The following ITGB7 variants were observed in gnomAD, a reference collection of about 807,000 sequenced individuals.
ITGB7 encodes the protein integrin subunit beta 7, also known as integrin beta-7.
ITGB7 carries 55 observed loss-of-function variants against 83.4 expected under a neutral mutation model. The observed-to-expected ratio is 0.66, with a 90% CI of 0.53 to 0.83. The LOEUF is 0.83. Among genes scored for constraint, ITGB7 ranks in the 40% least tolerant of loss-of-function variants. ITGB7 has a pLI of 0.00. For missense variants in ITGB7, 921 were observed against 1,046.7 expected (o/e 0.88, Z 1.66); for synonymous variants, 454 against 423.6 (o/e 1.07, Z -0.88).
chr12:53,197,362 G>T, intron 5 of ITGB7, 131 bp downstream of exon 5: 1 of 993,584 alleles, frequency 1.0e-6, no homozygotes, highest in Non-Finnish European at 1.6e-6. Context: ...GAACGAACCT[G>T]TGGCCTGGCT....
At chr12:53,193,626 G>C (rs568681050) in intron 11 of ITGB7, 82 bp downstream of exon 11, 1 of 1,226,336 alleles carries the variant, frequency 8.2e-7, no homozygotes, top group African/African-American at 1.5e-5. Context: ...CTGTGGGGGG[G>C]ATGGAAAGCA....
chr12:53,192,158 C>A, intron 14 of ITGB7, 139 bp from the exon 15 acceptor site: 9 of 1,236,274 alleles, frequency 7.3e-6, no homozygotes, highest in Admixed American at 2.3e-5. Context: ...AGGTTATCCT[C>A]ACCGCCCAGG....
chr12:53,191,997 G>C lies in ITGB7; in HGVS notation c.2178C>G (p.Ala726=), dbSNP rs1339800857. ...PQEKGADHTQ[A]IVLGCVGGIV... ...TGCCCCCTACGCAGCCCAGCACAAT[G>C]GCCTGCGTGTGGTCTGCTCCCTCTG... is the stretch of plus-strand genomic sequence containing the variant. Residue 726 remains alanine (A), a synonymous_variant, in exon 15 of 16, where the codon GCC becomes GCG. Transcript: ENST00000267082. 6.2e-7 allele frequency: 1 copy of C among 1,612,984 alleles called. No individual in the cohort carries two copies. Among genetic ancestry groups the C allele is most frequent in the Non-Finnish European group, 8.5e-7 (1 of 1,179,898 alleles).
At chr12:53,204,146 G>A (rs187000459) in intron 1 of ITGB7, among the ~76,000 whole-genome samples, 32 of 152,220 alleles carry the variant, frequency 2.1e-4, no homozygotes, top group Admixed American at 4.6e-4. Context: ...TTGGGAGGCC[G>A]AGGCGGGTGG....
chr12:53,192,879 G>C lies in ITGB7; in HGVS notation c.1758C>G (p.His586Gln). 1 of 1,614,198 alleles carries C rather than the reference G, an allele frequency of 6.2e-7. No individual in the cohort carries two copies. Among genetic ancestry groups the C allele is most frequent in the Non-Finnish European group, 8.5e-7 (1 of 1,180,042 alleles). ...GFGRCQCGVC[H>Q]CHANRTGRAC... ...CTCTGCCCGTGCGGTTGGCATGACA[G>C]TGACATACTCCACATTGGCAGCGAC... Residue 586 changes from histidine to glutamine, a missense_variant, in exon 13 of 16, where the codon CAC becomes CAG. Coordinates refer to ENST00000267082, the MANE Select transcript of ITGB7 (RefSeq NM_000889.3).
chr12:53,198,656 T>C (rs1592407936), intron 3 of ITGB7, among the ~76,000 whole-genome samples: 1 of 79,550 alleles, frequency 1.3e-5, no homozygotes, highest in Middle Eastern at 5.6e-3. Flanking sequence ...ACCCCTCTCC[T>C]CCCCAATAGA....
chr12:53,192,559 G>C (rs756902852), intron 13 of ITGB7, 21 bp from the exon 14 acceptor site: 1 of 1,611,698 alleles, frequency 6.2e-7, no homozygotes, highest in African/African-American at 1.3e-5. Flanking sequence ...GATGCCAATA[G>C]GTTACCAGCT....
At position 53,196,177 on chromosome 12, in the gene ITGB7, A is replaced by G. The variant is rs368963799; in HGVS notation, c.839T>C (p.Val280Ala). The change falls in exon 7 of 16, where the codon GTG becomes GCG. Residue 280 changes from valine to alanine, a missense_variant. Val to Ala is a moderately conservative substitution (Grantham distance 64). Coordinates refer to ENST00000267082, the MANE Select transcript of ITGB7 (RefSeq NM_000889.3). ...TGAAGTGAACACCAGCAGCCGGGAC[A>G]CATTTCTCCAGCCAATCTGCTCCTG... ...LCQEQIGWRN[V>A]SRLLVFTSDD... The G allele has an allele frequency of 1.0e-4, 169 of 1,614,052 alleles. No individual in the cohort carries two copies. Among genetic ancestry groups the G allele is most frequent in the Non-Finnish European group, 1.3e-4 (159 of 1,180,000 alleles).
intron 6 of ITGB7, 141 bp from the exon 7 acceptor site, chr12:53,196,340 C>A: frequency 9.3e-7 from 1 of 1,072,424 alleles, no homozygotes; most frequent in South Asian, 1.6e-5. Context: ...CTTGCTTCTC[C>A]CTGCTCTCTC....
chr12:53,194,037 G>T, intron 10 of ITGB7, 136 bp from the exon 11 acceptor site: 1 of 1,293,142 alleles, frequency 7.7e-7, no homozygotes, highest in Non-Finnish European at 1.1e-6. Context: ...CTAGAAACAT[G>T]CCTGAGGAAG....
chr12:53,194,551 A>C, intron 9 of ITGB7: 1 of 517,982 alleles, frequency 1.9e-6, no homozygotes, highest in Non-Finnish European at 3.5e-6. Context: ...GGCCTCTAAT[A>C]CAGCATTTCA....
intron 6 of ITGB7, 187 bp from the exon 7 acceptor site, chr12:53,196,386 T>G (rs1942160032): frequency 1.0e-6 from 1 of 1,004,364 alleles, no homozygotes; most frequent in Non-Finnish European, 1.4e-6. Flanking sequence ...AGTGGAGGCT[T>G]ACTTGTGAAT....
Position 53,197,080 on chromosome 12 carries a change from G to C in ITGB7, c.575-260C>G. On this transcript the variant is annotated intron_variant, in intron 5 of 15. Transcript: ENST00000267082. ...AAGGCGGAAGAAGGCCCGGGTATAG[G>C]ATATGGTAGCAGCATGAGGCAAAGG... The C allele has an allele frequency of 5.3e-6, 3 of 571,034 alleles. No homozygotes were observed. In the South Asian group the frequency reaches 6.3e-5, roughly 12 times the overall value. 35.4% of individuals were successfully genotyped at this position (571,034 alleles called of 1,614,324 possible).
intron 7 of ITGB7, 130 bp from the exon 8 acceptor site, chr12:53,195,851 T>C: frequency 1.0e-6 from 1 of 978,524 alleles, no homozygotes; most frequent in Non-Finnish European, 1.6e-6. Flanking sequence ...TGCTATGGAA[T>C]AGGAAGGAGG....
At chr12:53,196,868 AAC>A in intron 5 of ITGB7, 48 bp from the exon 6 acceptor site, 3 of 1,561,414 alleles carry the variant, frequency 1.9e-6, no homozygotes, top group Non-Finnish European at 2.6e-6. Flanking sequence ...GCAGGGCAGC[AAC>A]AGAGGACCCA....
chr12:53,196,050 GC>G lies in ITGB7; in HGVS notation c.965del (p.Ser322ThrfsTer12). 6.2e-7 allele frequency: 1 copy of G among 1,614,066 alleles called. No homozygotes were observed. Among genetic ancestry groups the G allele is most frequent in the Non-Finnish European group, 8.5e-7 (1 of 1,179,940 alleles). Reference sequence around the variant, plus strand: ...GACAATAGGGACTCACAAACTCTGTGCTGCGACTGTAGAGGCCATTGCTGTC... The same window carrying G: ...GACAATAGGGACTCACAAACTCTGTGTGCGACTGTAGAGGCCATTGCTGTC... ...HLDSNGLYSRSTEFDYPSVGQ... is the reference protein window; with the variant it reads ...HLDSNGLYSRXTEFDYPSVGQ... On this transcript the variant is annotated frameshift_variant, in exon 7 of 16. Transcript: ENST00000267082. LOFTEE classifies it high-confidence loss of function.
intron 1 of ITGB7, among the ~76,000 whole-genome samples, chr12:53,205,741 G>T (rs1942428211): frequency 6.6e-6 from 1 of 152,182 alleles, no homozygotes; most frequent in Non-Finnish European, 1.5e-5. Context: ...TAAACCATTT[G>T]CATCTTCTTC....
At chr12:53,194,171 C>T (rs769099996) in intron 10 of ITGB7, 27 bp downstream of exon 10, 4 of 1,613,580 alleles carry the variant, frequency 2.5e-6, no homozygotes, top group Non-Finnish European at 3.4e-6. Context: ...CCCTGCCCGC[C>T]TTCTGCCTGT....
At chr12:53,197,994 G>T in intron 3 of ITGB7, 43 bp from the exon 4 acceptor site, 1 of 1,479,294 alleles carries the variant, frequency 6.8e-7, no homozygotes, top group Non-Finnish European at 9.0e-7. Flanking sequence ...GTCCTGCATA[G>T]GCCCTGGGCC....
Sources: allele counts gnomAD v4.1 joint callset (sites outside exome capture counted in the v4.1 genomes callset), GRCh38; gene constraint gnomAD v4.1.1; transcripts MANE v1.5; gene names NCBI Gene and HGNC (gene_info 2026-07-23, HGNC 2026-07-21).